The following EFCAB8 variants were observed in gnomAD, a reference collection of about 807,000 sequenced individuals.
EFCAB8 encodes the protein EF-hand calcium-binding domain-containing protein 8.
EFCAB8 carries 100 observed loss-of-function variants against 116.3 expected under a neutral mutation model. The observed-to-expected ratio is 0.86, with a 90% CI of 0.73 to 1.02. The LOEUF is 1.02. Ranked by LOEUF, EFCAB8 falls within the 50% of genes least tolerant of loss-of-function variation. The pLI is 0.00. For missense variants in EFCAB8, 1,320 were observed against 1,416.9 expected, an observed-to-expected ratio of 0.93 and a Z score of 1.10; for synonymous variants, 558 against 567.9, an observed-to-expected ratio of 0.98 and a Z score of 0.25.
chr20:32,878,824 T>G lies in EFCAB8; in HGVS notation c.431+17T>G. 6.5e-7 allele frequency: 1 copy of G among 1,546,874 alleles called. No individual in the cohort carries two copies. The highest frequency in any genetic ancestry group is 8.8e-7 in the Non-Finnish European group (1 of 1,142,450). ...CGTCCCCCTGTAAGGAGCCTCTTCC[T>G]GGGCCTTGGTGGGTGGGGTGACTGG... On this transcript the variant is annotated intron_variant, in intron 5 of 26. Coordinates refer to ENST00000400522, the MANE Select transcript of EFCAB8 (RefSeq NM_001143967.2).
intron 11 of EFCAB8, among the ~76,000 whole-genome samples, chr20:32,902,940 C>G (rs1168671578): frequency 2.0e-5 from 3 of 152,196 alleles, no homozygotes; most frequent in African/African-American, 7.2e-5. Context: ...CCCCGACTGT[C>G]CCCTCTTCCT....
chr20:32,882,232 A>G (rs928066064), intron 5 of EFCAB8, among the ~76,000 whole-genome samples: 2 of 152,190 alleles, frequency 1.3e-5, no homozygotes, highest in Non-Finnish European at 2.9e-5. Flanking sequence ...TGCAAATGCA[A>G]TTCAGCCCAC....
chr20:32,887,787 A>C (rs1469224640), intron 6 of EFCAB8, among the ~76,000 whole-genome samples: 7 of 152,262 alleles, frequency 4.6e-5, no homozygotes, highest in Admixed American at 1.3e-4. Flanking sequence ...AGGATGCACC[A>C]GTGCTGAGCT....
intron 3 of EFCAB8, among the ~76,000 whole-genome samples, chr20:32,870,082 G>A (rs1295518430): frequency 6.6e-6 from 1 of 152,138 alleles, no homozygotes; most frequent in Non-Finnish European, 1.5e-5. Context: ...TACCTGCCCT[G>A]TGAATTTCTT....
intron 22 of EFCAB8, among the ~76,000 whole-genome samples, chr20:32,934,242 G>A (rs1988019276): frequency 6.6e-6 from 1 of 151,844 alleles, no homozygotes; most frequent in African/African-American, 2.4e-5. Context: ...TTACCATAAT[G>A]TCTTCCAGAT....
In EFCAB8 at chr20:32,912,914, C is replaced by T. The variant is rs1215253515; in HGVS notation, c.1856+50C>T. ...GTAGGTTCCAGTAGCTGCGTGTTCTCTCTCCAGATGGGTTCCTCCATTCCT... is the reference window on the plus strand; with the variant it reads ...GTAGGTTCCAGTAGCTGCGTGTTCTTTCTCCAGATGGGTTCCTCCATTCCT... On this transcript the variant is annotated intron_variant, in intron 17 of 26. Coordinates refer to ENST00000400522, the MANE Select transcript of EFCAB8 (RefSeq NM_001143967.2). 7.0e-6 allele frequency: 5 copies of T among 711,568 alleles called. No individual in the cohort carries two copies. The East Asian group carries it at 1.3e-4, about 19-fold the overall frequency. 44.1% of individuals were successfully genotyped at this position (711,568 alleles called of 1,614,324 possible). A position where few individuals can be genotyped will look rare whatever the true frequency, so the allele number is the denominator to read the frequency against.
chr20:32,864,004 T>C (rs1984261559), intron 2 of EFCAB8, among the ~76,000 whole-genome samples, 170 bp downstream of exon 2: 1 of 151,352 alleles, frequency 6.6e-6, no homozygotes. Flanking sequence ...TGAGACAGAG[T>C]CTCGCTCTGT....
chr20:32,959,490 T>G (rs983282844), intron 24 of EFCAB8, among the ~76,000 whole-genome samples: 2 of 152,150 alleles, frequency 1.3e-5, no homozygotes, highest in African/African-American at 4.8e-5. Flanking sequence ...CATGTTTAAA[T>G]AGTCCACAAG....
At chr20:32,949,797 G>A (rs1333230721) in intron 23 of EFCAB8, among the ~76,000 whole-genome samples, 1 of 152,184 alleles carries the variant, frequency 6.6e-6, no homozygotes, top group East Asian at 1.9e-4. Flanking sequence ...CCAGAAGTTC[G>A]AGACCAGCCT....
rs1987369189 is a variant in EFCAB8 at position 32,919,964 on chromosome 20, C to T, written c.2275-114C>T. On this transcript the variant is annotated intron_variant, in intron 19 of 26. Coordinates refer to ENST00000400522, the MANE Select transcript of EFCAB8 (RefSeq NM_001143967.2). ...GCGCTGCTTTTCCCAGGCCAGTGTA[C>T]CTACTGCGGGGGCTTGGGAGTGCCG... is the stretch of plus-strand genomic sequence containing the variant. The T allele has an allele frequency of 5.2e-6, 7 of 1,344,436 alleles. No homozygotes were observed. In the East Asian group the frequency reaches 1.3e-4, roughly 24 times the overall value. The allele number at this position is 1,344,436 out of a possible 1,614,324, so 83.3% of individuals were successfully genotyped here.
intron 10 of EFCAB8, among the ~76,000 whole-genome samples, chr20:32,897,100 G>C (rs1435373562): frequency 1.3e-5 from 2 of 152,106 alleles, no homozygotes; most frequent in Non-Finnish European, 2.9e-5. Context: ...GCGCCTTCAG[G>C]CCGCGGGGCT....
At chr20:32,932,367 ACT>A (rs1264902328) in intron 22 of EFCAB8, among the ~76,000 whole-genome samples, 2 of 111,088 alleles carry the variant, frequency 1.8e-5, no homozygotes, top group Non-Finnish European at 3.8e-5. Flanking sequence ...ACAGCGTGTG[ACT>A]CTGTCTCAAA....
At chr20:32,932,914 A>G (rs6057673) in intron 22 of EFCAB8, among the ~76,000 whole-genome samples, 46,169 of 152,040 alleles carry the variant, frequency 0.3, 7,538 homozygotes, top group African/African-American at 0.34. Context: ...TCGTTTTAGT[A>G]TGAAGAGAAT....
At position 32,867,689 on chromosome 20, in the gene EFCAB8, T is replaced by TAATACACCTGGCCAAGATA; in HGVS notation, c.150_151insAATACACCTGGCCAAGATA (p.Glu51AsnfsTer18). The stretch of plus-strand genomic sequence containing the variant: ...TCCAGCCTGGGTCCCAGCTGTTTAC[T>TAATACACCTGGCCAAGATA]GAGATACACCTGGCCAAGATAGAGA... On this transcript the variant is annotated frameshift_variant, in exon 3 of 27. Coordinates refer to ENST00000400522, the MANE Select transcript of EFCAB8 (RefSeq NM_001143967.2). LOFTEE classifies it high-confidence loss of function. 1 of 1,550,958 alleles carries TAATACACCTGGCCAAGATA rather than the reference T, an allele frequency of 6.4e-7. No individual in the cohort carries two copies.
At chr20:32,886,107 G>C (rs957564493) in intron 6 of EFCAB8, among the ~76,000 whole-genome samples, 8 of 152,322 alleles carry the variant, frequency 5.3e-5, no homozygotes, top group South Asian at 2.1e-4. Flanking sequence ...CAGGGTCAGA[G>C]TCCTAACTGT....
intron 26 of EFCAB8, among the ~76,000 whole-genome samples, chr20:32,960,458 T>C (rs1989112624): frequency 6.6e-6 from 1 of 152,210 alleles, no homozygotes; most frequent in Non-Finnish European, 1.5e-5. Context: ...TCCAAGCATT[T>C]CCTATGGTCT....
At chr20:32,888,866 T>C (rs367795252) in intron 6 of EFCAB8, among the ~76,000 whole-genome samples, 13 of 152,062 alleles carry the variant, frequency 8.5e-5, no homozygotes, top group African/African-American at 3.1e-4. Context: ...AGTGTCCCCT[T>C]TGAGTAGGTG....
At chr20:32,862,592 G>A (rs180898922) in intron 1 of EFCAB8, among the ~76,000 whole-genome samples, 30 of 152,156 alleles carry the variant, frequency 2.0e-4, no homozygotes, top group Non-Finnish European at 3.1e-4. Context: ...CTTGGGTACC[G>A]TTCAGTCTTC....
At chr20:32,880,257 G>A (rs1186669234) in intron 5 of EFCAB8, among the ~76,000 whole-genome samples, 1 of 146,822 alleles carries the variant, frequency 6.8e-6, no homozygotes, top group Non-Finnish European at 1.5e-5. Flanking sequence ...TTGAATGAAA[G>A]TCACCCAAGG....
Sources: allele counts gnomAD v4.1 joint callset (sites outside exome capture counted in the v4.1 genomes callset), GRCh38; gene constraint gnomAD v4.1.1; transcripts MANE v1.5; gene names NCBI Gene and HGNC (gene_info 2026-07-23, HGNC 2026-07-21).